CCDC191: variants seen among roughly 807,000 people sequenced by gnomAD.
The protein encoded by CCDC191 is coiled-coil domain-containing protein 191.
Under a neutral mutation model 114.0 loss-of-function variants are expected in CCDC191, and 99 were observed. The ratio of observed to expected loss-of-function variants is 0.87; its 90% CI spans 0.74 to 1.03. The LOEUF (loss-of-function observed/expected upper bound fraction) is 1.03. CCDC191 is among the 50% of genes least tolerant of loss of function. CCDC191 has a pLI of 0.00. For synonymous variants in CCDC191, 351 were observed against 376.0 expected, an observed-to-expected ratio of 0.93 and a Z score of 0.77; for missense variants, 973 against 1,087.0, an observed-to-expected ratio of 0.90 and a Z score of 1.47.
chr3:114,036,857 C>T (rs535711148), intron 4 of CCDC191, 71 bp from the exon 5 acceptor site: 1 of 996,854 alleles, frequency 1.0e-6, no homozygotes, highest in South Asian at 2.4e-5. Context: ...TTCATATTTA[C>T]ATAAAGAATC....
rs141926023 is a variant in CCDC191, at chr3:114,027,038, C to T, written c.972+4588G>A. 1.1e-4 allele frequency among the ~76,000 whole-genome samples: 17 copies of T among 152,240 alleles called. No individual in the cohort carries two copies. The East Asian group carries it at 3.3e-3, about 29-fold the overall frequency. ...TAGTATAAGAGTTTTATAGTTAATC[C>T]TTTGTTGTTTCTGCTAATTAGCAGT... On this transcript the variant is annotated intron_variant, in intron 7 of 16. Coordinates refer to ENST00000295878, the MANE Select transcript of CCDC191 (RefSeq NM_020817.2).
At chr3:113,998,029 G>T (rs987271149) in intron 13 of CCDC191, among the ~76,000 whole-genome samples, 2 of 151,902 alleles carry the variant, frequency 1.3e-5, no homozygotes, top group African/African-American at 4.8e-5. Flanking sequence ...AAGTTGGCTG[G>T]GCGTGGTGGC....
intron 13 of CCDC191, among the ~76,000 whole-genome samples, chr3:113,997,333 C>T (rs2075748327): frequency 6.6e-6 from 1 of 152,074 alleles, no homozygotes; most frequent in Non-Finnish European, 1.5e-5. Flanking sequence ...CATATACACA[C>T]ACAGATGGAT....
chr3:114,017,827 C>T (rs905923135), intron 8 of CCDC191, among the ~76,000 whole-genome samples: 1 of 152,110 alleles, frequency 6.6e-6, no homozygotes, highest in Non-Finnish European at 1.5e-5. Flanking sequence ...CAAACCTGCA[C>T]GTTCTGCACA....
chr3:114,035,144 T>C lies in CCDC191; in HGVS notation c.599A>G (p.Lys200Arg), dbSNP rs1313493482. Residue 200 changes from lysine to arginine, a missense_variant, in exon 6 of 17, where the codon AAA (lysine) becomes AGA (arginine). Physicochemically the swap from Lys to Arg is conservative, Grantham distance 26. Coordinates refer to ENST00000295878, the MANE Select transcript of CCDC191 (RefSeq NM_020817.2). ...LTMEMRHKQVKENRLRREKEL... is the reference protein window; with the variant it reads ...LTMEMRHKQVRENRLRREKEL... ...TTTCTCACGTCTTAAGCGATTTTCT[T>C]TTACCTTAAAGCAAATATAATAAAG... 3 of 1,610,472 alleles carry C rather than the reference T, an allele frequency of 1.9e-6. No homozygotes were observed. The highest frequency in any genetic ancestry group is 1.7e-6 in the Non-Finnish European group (2 of 1,177,794).
intron 3 of CCDC191, among the ~76,000 whole-genome samples, chr3:114,045,338 C>T (rs901232083): frequency 1.3e-5 from 2 of 152,068 alleles, no homozygotes; most frequent in African/African-American, 4.8e-5. Context: ...CTCTCTTTTT[C>T]TCCCCTATAA....
intron 2 of CCDC191, among the ~76,000 whole-genome samples, chr3:114,049,504 T>C (rs1443631333): frequency 6.6e-6 from 1 of 152,228 alleles, no homozygotes; most frequent in Non-Finnish European, 1.5e-5. Flanking sequence ...ACTTAGTTCC[T>C]CAGGCCTTGA....
chr3:114,056,477 C>G lies in CCDC191; in HGVS notation c.-11G>C. On this transcript the variant is annotated 5_prime_UTR_variant, in exon 1 of 17. Transcript: ENST00000295878. ...AGGCGCCAGGAGCATTTTCCAAGTT[C>G]GAGCCCGAACCTCGGCCAAAGCTGC... is the stretch of plus-strand genomic sequence containing the variant. 1 of 1,614,064 alleles carries G rather than the reference C, an allele frequency of 6.2e-7. No individual in the cohort carries two copies. The highest frequency in any genetic ancestry group is 2.2e-5 in the East Asian group (1 of 44,882).
At chr3:113,993,161 G>A (rs568917116) in intron 13 of CCDC191, among the ~76,000 whole-genome samples, 1 of 152,238 alleles carries the variant, frequency 6.6e-6, no homozygotes, top group South Asian at 2.1e-4. Flanking sequence ...ACCCAGGTGT[G>A]GTGGCTCACG....
At chr3:114,014,880 T>TA (rs2076133239) in intron 8 of CCDC191, among the ~76,000 whole-genome samples, 2 of 152,084 alleles carry the variant, frequency 1.3e-5, no homozygotes. Context: ...CCCATTTAGA[T>TA]AAAAAACTCC....
At chr3:114,045,117 T>C (rs2076611562) in intron 3 of CCDC191, among the ~76,000 whole-genome samples, 1 of 152,170 alleles carries the variant, frequency 6.6e-6, no homozygotes, top group Non-Finnish European at 1.5e-5. Context: ...AACATTTCTT[T>C]TCAACTGCAG....
intron 7 of CCDC191, among the ~76,000 whole-genome samples, chr3:114,026,746 G>A (rs1016134662): frequency 2.6e-5 from 4 of 152,102 alleles, no homozygotes; most frequent in African/African-American, 9.7e-5. Context: ...AGTTTGAGGT[G>A]GACTTTTGGA....
chr3:114,028,029 T>C (rs539821945), intron 7 of CCDC191, among the ~76,000 whole-genome samples: 1 of 152,264 alleles, frequency 6.6e-6, no homozygotes, highest in Admixed American at 6.5e-5. Flanking sequence ...AGGAGGCTGG[T>C]AGATGTATTT....
chr3:113,988,102 A>C (rs896384167), intron 13 of CCDC191, among the ~76,000 whole-genome samples: 3 of 152,176 alleles, frequency 2.0e-5, no homozygotes, highest in Admixed American at 6.5e-5. Context: ...AATAAAATAG[A>C]ATCATAAAGA....
At chr3:114,009,076 A>AGTATCTTGT in intron 9 of CCDC191, among the ~76,000 whole-genome samples, 2 of 152,236 alleles carry the variant, frequency 1.3e-5, no homozygotes, top group African/African-American at 2.4e-5. Flanking sequence ...GTACAGTAAA[A>AGTATCTTGT]ACAGTATACA....
chr3:114,054,898 T>A (rs1435581466), intron 1 of CCDC191, among the ~76,000 whole-genome samples: 1 of 152,098 alleles, frequency 6.6e-6, no homozygotes, highest in Admixed American at 6.6e-5. Flanking sequence ...TTCAGGTGTG[T>A]TTTTAAAATA....
At position 114,027,601 on chromosome 3, in the gene CCDC191, CAAAAAAAAAAA is replaced by C. The variant is rs67548547; in HGVS notation, c.972+4014_972+4024del. 5.6e-3 allele frequency among the ~76,000 whole-genome samples: 336 copies of C among 60,132 alleles called. 4 individuals carry two copies. In the Middle Eastern group the frequency reaches 0.13, roughly 24 times the overall value. 39.4% of individuals were successfully genotyped at this position (60,132 alleles called of 152,430 possible). Reference sequence around the variant, plus strand: ...TGGGTGACAGGGCAAGACTCTGTCTCAAAAAAAAAAAAAAAAAAAAAGAAAAAAAAATCCAG... The same window carrying C: ...TGGGTGACAGGGCAAGACTCTGTCTCAAAAAAAAAAGAAAAAAAAATCCAG... On this transcript the variant is annotated intron_variant, in intron 7 of 16. Transcript: ENST00000295878.
intron 13 of CCDC191, among the ~76,000 whole-genome samples, chr3:113,995,738 C>T (rs1282944305): frequency 6.6e-6 from 1 of 152,196 alleles, no homozygotes; most frequent in East Asian, 1.9e-4. Flanking sequence ...TACAGTCCCA[C>T]CATCAGTGTA....
At chr3:114,005,442 G>C in intron 10 of CCDC191, 66 bp downstream of exon 10, 1 of 1,452,342 alleles carries the variant, frequency 6.9e-7, no homozygotes, top group Non-Finnish European at 9.3e-7. Context: ...GGGCAAAGAA[G>C]CTCAGGAGCC....
Sources: gnomAD v4.1 joint callset for allele counts (sites outside exome capture counted in the v4.1 genomes callset) on GRCh38, gnomAD v4.1.1 for gene constraint, MANE v1.5 for transcripts, NCBI Gene and HGNC (gene_info 2026-07-23, HGNC 2026-07-21) for gene names.